The following SPAG1 variants were observed in gnomAD, a reference collection of about 807,000 sequenced individuals.
SPAG1 encodes the protein sperm associated antigen 1.
A neutral mutation model predicts 100.5 loss-of-function variants in SPAG1; 69 were observed. The observed-to-expected ratio is 0.69, with a 90% CI of 0.57 to 0.84. The LOEUF is 0.84. Ranked by LOEUF, SPAG1 falls within the 40% of genes least tolerant of loss-of-function variation. SPAG1 has a pLI of 0.00. For missense variants in SPAG1, 955 were observed against 1,133.1 expected (o/e 0.84, Z 2.26); for synonymous variants, 336 against 411.6 (o/e 0.82, Z 2.22).
chr8:100,240,371 T>G, intron 17 of SPAG1, 32 bp from the exon 18 acceptor site: 1 of 1,550,130 alleles, frequency 6.5e-7, no homozygotes, highest in Non-Finnish European at 8.7e-7. Flanking sequence ...TGTGGTTCAG[T>G]GTCACAATGC....
chr8:100,237,245 T>A (rs920374999), intron 16 of SPAG1, among the ~76,000 whole-genome samples: 1 of 152,194 alleles, frequency 6.6e-6, no homozygotes, highest in Non-Finnish European at 1.5e-5. Flanking sequence ...CACATCTGGC[T>A]AATTTTTGTA....
chr8:100,168,662 A>AG (rs1815673582), intron 3 of SPAG1, among the ~76,000 whole-genome samples: 1 of 136,860 alleles, frequency 7.3e-6, no homozygotes, highest in African/African-American at 2.8e-5. Flanking sequence ...CTGGGATTAC[A>AG]GCATGAGCCA....
At position 100,213,279 on chromosome 8, in the gene SPAG1, G is replaced by T. The variant is rs1586496526; in HGVS notation, c.1286G>T (p.Gly429Val). The T allele has an allele frequency of 8.2e-7, 1 of 1,215,728 alleles. No homozygotes were observed. Among genetic ancestry groups the T allele is most frequent in the African/African-American group, 1.6e-5 (1 of 63,178 alleles). The allele number at this position is 1,215,728 out of a possible 1,614,324, so 75.3% of individuals were successfully genotyped here. A position where few individuals can be genotyped will look rare whatever the true frequency, so the allele number is the denominator to read the frequency against. The change falls in exon 11 of 19, where the codon GGC (glycine) becomes GTC (valine). Residue 429 changes from glycine (G) to valine (V), a missense_variant. Gly to Val is a moderately radical substitution (Grantham distance 109). Transcript: ENST00000388798. ...PRRASAAAAA[G>V]GGATGHPGGG... ...CGGGCCTCTGCGGCGGCGGCGGCGG[G>T]CGGCGGCGCCACCGGGCATCCGGGC...
chr8:100,207,817 G>A (rs1203014895), intron 10 of SPAG1, among the ~76,000 whole-genome samples: 1 of 152,202 alleles, frequency 6.6e-6, no homozygotes, highest in Non-Finnish European at 1.5e-5. Flanking sequence ...GAATTCACTG[G>A]TCTTACCATA....
Position 100,239,303 on chromosome 8 carries a change from G to A in SPAG1, c.2179G>A (p.Ala727Thr), listed in dbSNP as rs2132443055. The A allele has an allele frequency of 1.3e-6, 2 of 1,556,796 alleles. No homozygotes were observed. The highest frequency in any genetic ancestry group is 2.3e-5 in the East Asian group (1 of 43,122). The change falls in exon 17 of 19, where the codon GCA (alanine) becomes ACA (threonine). Residue 727 changes from alanine to threonine, a missense_variant. By Grantham distance (58) the Ala-to-Thr change is moderately conservative. Transcript: ENST00000388798. This position sits in a 1 kb window ranked among gnomAD's most constrained non-coding sequence, Gnocchi z 5.0. ...CCTACTAGATCCAAGTATTATTGAGGCAAAGATGGAACTGGAAGAGGTAAC... is the reference window on the plus strand; with the variant it reads ...CCTACTAGATCCAAGTATTATTGAGACAAAGATGGAACTGGAAGAGGTAAC... ...VILLDPSIIE[A>T]KMELEEVTRL...
chr8:100,235,060 G>T (rs981664218), intron 16 of SPAG1, among the ~76,000 whole-genome samples: 5 of 152,192 alleles, frequency 3.3e-5, no homozygotes, highest in African/African-American at 4.8e-5. Flanking sequence ...CATAGACTGG[G>T]TGGCCTGAAC....
In SPAG1 at chr8:100,213,303, G is replaced by T. The variant is rs878867700; in HGVS notation, c.1310G>T (p.Gly437Val). 4 of 1,235,728 alleles carry T rather than the reference G, an allele frequency of 3.2e-6. No homozygotes were observed. In the South Asian group the frequency reaches 1.6e-4, roughly 49 times the overall value. The allele number at this position is 1,235,728 out of a possible 1,614,324, so 76.5% of individuals were successfully genotyped here. A position where few individuals can be genotyped will look rare whatever the true frequency, so the allele number is the denominator to read the frequency against. The stretch of plus-strand genomic sequence containing the variant: ...GGCGGCGGCGCCACCGGGCATCCGG[G>T]CGGCGGGCAGGGCGCGGAGAACCCT... The part of the protein sequence containing the change: ...AAGGGATGHP[G>V]GGQGAENPAG... Residue 437 changes from glycine to valine, a missense_variant, in exon 11 of 19, where the codon GGC (glycine) becomes GTC (valine). Gly to Val is a moderately radical substitution (Grantham distance 109). Coordinates refer to ENST00000388798, the MANE Select transcript of SPAG1 (RefSeq NM_003114.5).
In SPAG1 at chr8:100,231,272, G is replaced by GGCCCCCC; in HGVS notation, c.1972_1973insGCCCCCC (p.Ala658GlyfsTer19). On this transcript the variant is annotated frameshift_variant, in exon 15 of 19. Coordinates refer to ENST00000388798, the MANE Select transcript of SPAG1 (RefSeq NM_003114.5). LOFTEE classifies it high-confidence loss of function. ...CTTAAAGATTAACAATAAGGAATGT[G>GGCCCCCC]CCATATATACAAACAGGCAAGTTCT... The GGCCCCCC allele has an allele frequency of 6.4e-7, 1 of 1,571,574 alleles. No individual in the cohort carries two copies. Among genetic ancestry groups the GGCCCCCC allele is most frequent in the Non-Finnish European group, 8.7e-7 (1 of 1,155,468 alleles).
intron 3 of SPAG1, among the ~76,000 whole-genome samples, chr8:100,166,314 A>T (rs975140715): frequency 2.0e-5 from 3 of 151,574 alleles, no homozygotes; most frequent in African/African-American, 7.3e-5. Flanking sequence ...GCTGGAGTGC[A>T]GTGGCACGAT....
At chr8:100,236,739 CTTA>C (rs1263343736) in intron 16 of SPAG1, among the ~76,000 whole-genome samples, 1 of 152,086 alleles carries the variant, frequency 6.6e-6, no homozygotes. Flanking sequence ...ATTTATTTCT[CTTA>C]TTGAGTGCCA....
At chr8:100,205,812 C>T (rs1000702335) in intron 10 of SPAG1, among the ~76,000 whole-genome samples, 3 of 151,518 alleles carry the variant, frequency 2.0e-5, no homozygotes, top group Admixed American at 6.6e-5. Flanking sequence ...GTCAAGAGAT[C>T]GAGACCATCC....
chr8:100,197,372 T>C (rs1460771793), intron 10 of SPAG1, among the ~76,000 whole-genome samples: 3 of 152,194 alleles, frequency 2.0e-5, no homozygotes, highest in African/African-American at 7.2e-5. Flanking sequence ...GTAGAATAAA[T>C]AGCCGGAAAC....
chr8:100,206,939 C>G (rs1817539883), intron 10 of SPAG1, among the ~76,000 whole-genome samples: 1 of 152,188 alleles, frequency 6.6e-6, no homozygotes, highest in African/African-American at 2.4e-5. Context: ...TCCAATGGTG[C>G]TTGAGGTGTC....
intron 14 of SPAG1, among the ~76,000 whole-genome samples, chr8:100,229,288 T>C (rs1338936359): frequency 1.3e-5 from 2 of 151,994 alleles, no homozygotes; most frequent in East Asian, 1.9e-4. Flanking sequence ...GGCGTGGTGG[T>C]GGGTGCCTAT....
intron 16 of SPAG1, among the ~76,000 whole-genome samples, chr8:100,234,795 A>G (rs1340535568): frequency 6.6e-6 from 1 of 152,198 alleles, no homozygotes; most frequent in Non-Finnish European, 1.5e-5. Context: ...GGAGATGGTC[A>G]GATCCTGAGG....
intron 12 of SPAG1, among the ~76,000 whole-genome samples, chr8:100,217,136 C>T (rs148330189): frequency 7.2e-5 from 11 of 151,848 alleles, no homozygotes; most frequent in Admixed American, 4.6e-4. Flanking sequence ...AGGGGTTTCA[C>T]CATGCTGCAG....
chr8:100,170,818 TTTA>T (rs1156234283), intron 3 of SPAG1, among the ~76,000 whole-genome samples: 2 of 147,866 alleles, frequency 1.4e-5, no homozygotes, highest in African/African-American at 2.5e-5. Flanking sequence ...TATTTATTTA[TTTA>T]TTTATTTATT....
At chr8:100,158,830 A>T (rs1815180978) in intron 1 of SPAG1, 1 of 152,076 alleles carries the variant, frequency 6.6e-6, no homozygotes, top group South Asian at 2.1e-4. Context: ...AGAAAGAAAA[A>T]AAGAGAATCC....
At chr8:100,187,666 CA>C (rs202052978) in intron 8 of SPAG1, among the ~76,000 whole-genome samples, 5 of 144,670 alleles carry the variant, frequency 3.5e-5, no homozygotes, top group Admixed American at 2.1e-4. Context: ...CTCTGTGTCT[CA>C]AAAAAAAAAC....
Sources: allele counts gnomAD v4.1 joint callset (sites outside exome capture counted in the v4.1 genomes callset), GRCh38; gene constraint gnomAD v4.1.1; non-coding constraint Gnocchi (gnomAD v3.1); transcripts MANE v1.5; gene names NCBI Gene and HGNC (gene_info 2026-07-23, HGNC 2026-07-21).